Variants in ADGRG7 observed in about 807,000 individuals in gnomAD.
ADGRG7 encodes the protein G-protein coupled receptor 128.
In ADGRG7, 82 loss-of-function variants were observed where a neutral mutation model predicts 88.6. That is an observed-to-expected ratio of 0.93 (90% CI 0.77 to 1.11). The LOEUF (loss-of-function observed/expected upper bound fraction) is 1.11. ADGRG7 is among the 50% of genes most tolerant of loss of function. The pLI is 0.00. For synonymous variants in ADGRG7, 381 were observed against 345.2 expected (o/e 1.10, Z -1.15); for missense variants, 945 against 953.4 (o/e 0.99, Z 0.12).
chr3:100,624,612 T>G (rs1707358943), intron 1 of ADGRG7, among the ~76,000 whole-genome samples: 1 of 152,192 alleles, frequency 6.6e-6, no homozygotes, highest in East Asian at 1.9e-4. Flanking sequence ...TCTTTGCACA[T>G]GCCTATGTCC....
chr3:100,685,008 G>C (rs943940795), intron 15 of ADGRG7, among the ~76,000 whole-genome samples: 8 of 151,678 alleles, frequency 5.3e-5, no homozygotes, highest in African/African-American at 1.9e-4. Context: ...GATTATGTTT[G>C]ATAATTATAT....
chr3:100,643,782 T>A, intron 8 of ADGRG7, 149 bp downstream of exon 8: 1 of 591,106 alleles, frequency 1.7e-6, no homozygotes, highest in Middle Eastern at 4.4e-4. Flanking sequence ...CATATTATGG[T>A]AATCTCAACT....
At chr3:100,677,909 G>A (rs2094967753) in intron 15 of ADGRG7, among the ~76,000 whole-genome samples, 1 of 151,864 alleles carries the variant, frequency 6.6e-6, no homozygotes, top group Non-Finnish European at 1.5e-5. Flanking sequence ...GTATTATTGG[G>A]GTCTAATCTG....
chr3:100,645,814 A>G lies in ADGRG7; in HGVS notation c.947-131A>G, dbSNP rs1707733991. The G allele has an allele frequency of 7.9e-6, 6 of 762,318 alleles. No homozygotes were observed. In the South Asian group the frequency reaches 1.2e-4, roughly 15 times the overall value. 47.2% of individuals were successfully genotyped at this position (762,318 alleles called of 1,614,324 possible). On this transcript the variant is annotated intron_variant, in intron 8 of 15. Coordinates refer to ENST00000273352, the MANE Select transcript of ADGRG7 (RefSeq NM_032787.3). ...CATATTGCAATTAAGTAAAGGTTCA[A>G]CCAGTAAACCATTTTTACTGTACTT...
At chr3:100,617,196 T>A (rs1440311801) in intron 1 of ADGRG7, among the ~76,000 whole-genome samples, 1 of 152,170 alleles carries the variant, frequency 6.6e-6, no homozygotes, top group East Asian at 1.9e-4. Flanking sequence ...AAATAAAAAT[T>A]GGAAAATAAT....
At chr3:100,665,229 A>G (rs1254976234) in intron 14 of ADGRG7, 1 of 540,322 alleles carries the variant, frequency 1.9e-6, no homozygotes, top group Non-Finnish European at 3.8e-6. Context: ...CACGGAGGAT[A>G]TGGAACTCTC....
At chr3:100,682,333 C>A (rs1419668372) in intron 15 of ADGRG7, among the ~76,000 whole-genome samples, 1 of 152,188 alleles carries the variant, frequency 6.6e-6, no homozygotes, top group Non-Finnish European at 1.5e-5. Flanking sequence ...GGGAGCCAGG[C>A]CCGAGATGTA....
chr3:100,635,764 A>C lies in ADGRG7; in HGVS notation c.535A>C (p.Ile179Leu). The C allele has an allele frequency of 6.2e-7, 1 of 1,614,088 alleles. No individual in the cohort carries two copies. The highest frequency in any genetic ancestry group is 8.5e-7 in the Non-Finnish European group (1 of 1,179,934). ...SDANKLTAEN[I>L]TSATRVVGQI... ...TGCCAATAAATTAACTGCTGAGAAC[A>C]TCACTAGTGCTACGCGAGTGGTTGG... Residue 179 changes from isoleucine (I) to leucine (L), a missense_variant, in exon 5 of 16, where the codon ATC (isoleucine) becomes CTC (leucine). By Grantham distance (5) the Ile-to-Leu change is conservative. Coordinates refer to ENST00000273352, the MANE Select transcript of ADGRG7 (RefSeq NM_032787.3).
chr3:100,689,093 A>G (rs1422387912), intron 15 of ADGRG7, among the ~76,000 whole-genome samples: 2 of 152,174 alleles, frequency 1.3e-5, no homozygotes, highest in African/African-American at 4.8e-5. Flanking sequence ...TAGTATAGTT[A>G]GCTCTTCTTG....
At position 100,609,831 on chromosome 3, in the gene ADGRG7, GA is replaced by G; in HGVS notation, c.-25del. On this transcript the variant is annotated 5_prime_UTR_variant, in exon 1 of 16. Coordinates refer to ENST00000273352, the MANE Select transcript of ADGRG7 (RefSeq NM_032787.3). Reference sequence around the variant, plus strand: ...AAGAAGCTAGTTATTTCTCACCCAGGAGTGGATTTGTGGTTTGGCTTCACCA... The same window carrying G: ...AAGAAGCTAGTTATTTCTCACCCAGGGTGGATTTGTGGTTTGGCTTCACCA... The G allele has an allele frequency of 6.5e-7, 1 of 1,527,414 alleles. No individual in the cohort carries two copies. Among genetic ancestry groups the G allele is most frequent in the Non-Finnish European group, 9.1e-7 (1 of 1,101,548 alleles). The allele number at this position is 1,527,414 out of a possible 1,614,324, so 94.6% of individuals were successfully genotyped here.
intron 15 of ADGRG7, among the ~76,000 whole-genome samples, chr3:100,694,116 G>C (rs2094998287): frequency 6.6e-6 from 1 of 152,194 alleles, no homozygotes; most frequent in South Asian, 2.1e-4. Context: ...GTATTGGGTT[G>C]ATGTGAGGAT....
chr3:100,626,276 A>C (rs1423173192), intron 1 of ADGRG7, among the ~76,000 whole-genome samples: 1 of 151,906 alleles, frequency 6.6e-6, no homozygotes, highest in Non-Finnish European at 1.5e-5. Context: ...TTTCTTCTAG[A>C]TTTTCTAGTT....
chr3:100,685,773 A>G (rs947734183), intron 15 of ADGRG7, among the ~76,000 whole-genome samples: 6 of 152,158 alleles, frequency 3.9e-5, no homozygotes, highest in African/African-American at 1.2e-4. Flanking sequence ...CCAGTCTATC[A>G]TTGTTGGACA....
At chr3:100,611,201 C>T (rs1004132534) in intron 1 of ADGRG7, among the ~76,000 whole-genome samples, 6 of 151,620 alleles carry the variant, frequency 4.0e-5, no homozygotes, top group Non-Finnish European at 7.4e-5. Context: ...ATTTATAAGA[C>T]CTCATTTAAA....
chr3:100,638,085 T>A (rs964992013), intron 6 of ADGRG7, among the ~76,000 whole-genome samples: 1 of 152,222 alleles, frequency 6.6e-6, no homozygotes, highest in Admixed American at 6.5e-5. Context: ...CCACCATCCA[T>A]GGACAACATT....
chr3:100,659,611 C>A (rs548933531), intron 13 of ADGRG7, 77 bp from the exon 14 acceptor site: 3 of 1,248,486 alleles, frequency 2.4e-6, no homozygotes, highest in South Asian at 2.9e-5. Flanking sequence ...GAGTGAATGT[C>A]AATAGTGTTA....
In ADGRG7 at chr3:100,630,761, G is replaced by A. The variant is rs902929678; in HGVS notation, c.286G>A (p.Gly96Ser). The change falls in exon 3 of 16, where the codon GGC becomes AGC. Residue 96 changes from glycine (G) to serine (S), a missense_variant. Gly to Ser is a moderately conservative substitution (Grantham distance 56, BLOSUM62 0). Coordinates refer to ENST00000273352, the MANE Select transcript of ADGRG7 (RefSeq NM_032787.3). ...TTTTACTTTTGCCAGAATCCCAGTG[G>A]GCAGATATGGACCATCCTTGCAAAC... ...MGFTFARIPV[G>S]RYGPSLQTCG... is the part of the protein sequence containing the mutation. 6.7e-7 allele frequency: 1 copy of A among 1,483,506 alleles called. No individual in the cohort carries two copies. Among genetic ancestry groups the A allele is most frequent in the Non-Finnish European group, 8.9e-7 (1 of 1,118,270 alleles). The allele number at this position is 1,483,506 out of a possible 1,614,324, so 91.9% of individuals were successfully genotyped here.
chr3:100,632,392 G>A (rs1195925368), intron 3 of ADGRG7, among the ~76,000 whole-genome samples: 2 of 151,938 alleles, frequency 1.3e-5, no homozygotes, highest in Admixed American at 6.6e-5. Context: ...ATTAATAATT[G>A]CTTCTAATTA....
chr3:100,660,736 T>A (rs935007429), intron 14 of ADGRG7, among the ~76,000 whole-genome samples: 1 of 152,024 alleles, frequency 6.6e-6, no homozygotes, highest in African/African-American at 2.4e-5. Flanking sequence ...GTGGATCACC[T>A]GAGCTTGGTA....
Sources: gnomAD v4.1 joint callset for allele counts (sites outside exome capture counted in the v4.1 genomes callset) on GRCh38, gnomAD v4.1.1 for gene constraint, MANE v1.5 for transcripts, NCBI Gene and HGNC (gene_info 2026-07-23, HGNC 2026-07-21) for gene names.